WEE1: variants seen among roughly 807,000 people sequenced by gnomAD.
WEE1 encodes the protein WEE1 G2 checkpoint kinase.
A neutral mutation model predicts 68.8 loss-of-function variants in WEE1; 16 were observed. The ratio of observed to expected loss-of-function variants is 0.23; its 90% CI spans 0.16 to 0.35. The LOEUF is 0.35. Among genes scored for constraint, WEE1 ranks in the 10% least tolerant of loss-of-function variants. WEE1 has a pLI of 1.00. For missense variants in WEE1, 651 were observed against 824.1 expected (o/e 0.79, Z 2.57); for synonymous variants, 349 against 318.7 (o/e 1.09, Z -1.01).
chr11:9,588,782 T>A lies in WEE1; in HGVS notation c.*180T>A. The A allele has an allele frequency of 8.0e-7, 1 of 1,245,266 alleles. No individual in the cohort carries two copies. Among genetic ancestry groups the A allele is most frequent in the Non-Finnish European group, 1.0e-6 (1 of 989,436 alleles). The allele number at this position is 1,245,266 out of a possible 1,614,324, so 77.1% of individuals were successfully genotyped here. A position where few individuals can be genotyped will look rare whatever the true frequency, so the allele number is the denominator to read the frequency against. Reference sequence around the variant, plus strand: ...TGATGATTGCTATGTCAGGCTTTCATCTAATCTTACCAGTCTGTCTTCTGT... The same window carrying A: ...TGATGATTGCTATGTCAGGCTTTCAACTAATCTTACCAGTCTGTCTTCTGT... On this transcript the variant is annotated 3_prime_UTR_variant, in exon 11 of 11. Coordinates refer to ENST00000450114, the MANE Select transcript of WEE1 (RefSeq NM_003390.4).
chr11:9,585,242 A>G lies in WEE1; in HGVS notation c.1289-16A>G. 6.3e-7 allele frequency: 1 copy of G among 1,581,224 alleles called. No individual in the cohort carries two copies. Among genetic ancestry groups the G allele is most frequent in the Non-Finnish European group, 8.7e-7 (1 of 1,151,814 alleles). On this transcript the variant is annotated splice_polypyrimidine_tract_variant and intron_variant, in intron 6 of 10. Coordinates refer to ENST00000450114, the MANE Select transcript of WEE1 (RefSeq NM_003390.4). Reference sequence around the variant, plus strand: ...TATTATTATTAGTTTGGCTTACATAATTAACTGTTTGACAGGTAATATTTT... The same window carrying G: ...TATTATTATTAGTTTGGCTTACATAGTTAACTGTTTGACAGGTAATATTTT...
chr11:9,574,317 G>A lies in WEE1; in HGVS notation c.384G>A (p.Pro128=). The change falls in exon 1 of 11, where the codon CCG becomes CCA. Residue 128 remains proline (P), a synonymous_variant. Transcript: ENST00000450114. The surrounding 1 kb of genome is among the most constrained non-coding windows in gnomAD (Gnocchi z 4.9). ...GCTCCTCGTCGCCGGTCAAGTCGCC[G>A]GCGGCCCCCTACTTCCTGGGTAGCT... ...GFGSSSPVKS[P]AAPYFLGSSF... The A allele has an allele frequency of 2.4e-6, 3 of 1,269,868 alleles. No individual in the cohort carries two copies. Among genetic ancestry groups the A allele is most frequent in the Admixed American group, 3.5e-5 (1 of 28,234 alleles). The allele number at this position is 1,269,868 out of a possible 1,614,324, so 78.7% of individuals were successfully genotyped here. A position where few individuals can be genotyped will look rare whatever the true frequency, so the allele number is the denominator to read the frequency against.
chr11:9,579,051 T>C (rs1174018455), intron 5 of WEE1: 1 of 151,958 alleles, frequency 6.6e-6, no homozygotes, highest in Non-Finnish European at 1.5e-5. Context: ...GGATTACAGA[T>C]GCGCGCCACC....
intron 1 of WEE1, chr11:9,575,557 G>A: frequency 2.9e-6 from 1 of 347,026 alleles, no homozygotes; most frequent in Non-Finnish European, 4.8e-6. Flanking sequence ...ATTTTATGGG[G>A]CTCTCGGACT....
At chr11:9,583,794 CACACACACATATATATATATATATAT>C (rs1454473351) in intron 6 of WEE1, among the ~76,000 whole-genome samples, 29 of 27,582 alleles carry the variant, frequency 1.1e-3, no homozygotes, top group Non-Finnish European at 1.6e-3. Context: ...CACACACACA[CACACACACATATATATATATATATAT>C]ATATATATAT....
At position 9,576,031 on chromosome 11, in the gene WEE1, G is replaced by A. The variant is rs778857531; in HGVS notation, c.720G>A (p.Pro240=). The A allele has an allele frequency of 2.5e-6, 4 of 1,613,984 alleles. No individual in the cohort carries two copies. Among genetic ancestry groups the A allele is most frequent in the African/African-American group, 2.7e-5 (2 of 74,892 alleles). Residue 240 remains proline, a synonymous_variant, in exon 2 of 11, where the codon CCG becomes CCA. Transcript: ENST00000450114. This position sits in a 1 kb window ranked among gnomAD's most constrained non-coding sequence, Gnocchi z 4.3. ...AAGTGAATATTAATCCTTTTACTCC[G>A]GATTCTTTGTTGCTTCATTCCTCAG... ...TPQVNINPFT[P]DSLLLHSSGQ...
rs538045939 is a variant in WEE1 at position 9,589,494 on chromosome 11, A to G, written c.*892A>G. 4.6e-5 allele frequency: 45 copies of G among 985,292 alleles called. No individual in the cohort carries two copies. The South Asian group carries it at 1.4e-3, about 30-fold the overall frequency. The allele number at this position is 985,292 out of a possible 1,614,324, so 61.0% of individuals were successfully genotyped here. On this transcript the variant is annotated 3_prime_UTR_variant, in exon 11 of 11. Transcript: ENST00000450114. ...ATGTTTTGCCCGGTTTTTCTCTTCAATATTTGTGTATATAAACCGATCTTC... is the reference window on the plus strand; with the variant it reads ...ATGTTTTGCCCGGTTTTTCTCTTCAGTATTTGTGTATATAAACCGATCTTC...
rs1009107513 is a variant in WEE1, at chr11:9,573,745, C to A, written c.-189C>A. On this transcript the variant is annotated 5_prime_UTR_variant, in exon 1 of 11. Transcript: ENST00000450114. ...GGCCGCCCCGCCTCTGCCGGAAAGT[C>A]CGCGCCGCCGCTGCCGCCACCGTCC... The A allele has an allele frequency of 3.8e-6, 1 of 265,982 alleles. No individual in the cohort carries two copies. The highest frequency in any genetic ancestry group is 1.4e-4 in the South Asian group (1 of 7,338). The allele number at this position is 265,982 out of a possible 1,614,324, so 16.5% of individuals were successfully genotyped here. A position where few individuals can be genotyped will look rare whatever the true frequency, so the allele number is the denominator to read the frequency against.
At chr11:9,584,334 C>T (rs138618536) in intron 6 of WEE1, among the ~76,000 whole-genome samples, 21 of 152,164 alleles carry the variant, frequency 1.4e-4, no homozygotes, top group Middle Eastern at 6.8e-3. Context: ...TTTGTAGAGA[C>T]AGGGTCTCAC....
In WEE1 at chr11:9,588,616, C is replaced by A; in HGVS notation, c.*14C>A. 1 of 1,542,884 alleles carries A rather than the reference C, an allele frequency of 6.5e-7. No individual in the cohort carries two copies. The highest frequency in any genetic ancestry group is 8.7e-7 in the Non-Finnish European group (1 of 1,150,878). On this transcript the variant is annotated 3_prime_UTR_variant, in exon 11 of 11. Transcript: ENST00000450114. ...ACTATATACTGAGCTACTCCTTTCC[C>A]ACCTCCCCCTGAACACTGTGACAAG...
chr11:9,582,136 A>G lies in WEE1; in HGVS notation c.1288+458A>G, dbSNP rs73408234. Among the ~76,000 whole-genome samples, 417 of 152,338 alleles carry G rather than the reference A, an allele frequency of 2.7e-3. 3 individuals are homozygous for G. Among genetic ancestry groups the G allele is most frequent in the African/African-American group, 9.0e-3 (376 of 41,578 alleles). ...TCTGTGTTTAAAGCCCCACTCTTCCACTAGGCCAGACCATATTAAAATTTC... is the reference window on the plus strand; with the variant it reads ...TCTGTGTTTAAAGCCCCACTCTTCCGCTAGGCCAGACCATATTAAAATTTC... On this transcript the variant is annotated intron_variant, in intron 6 of 10. Transcript: ENST00000450114.
In WEE1 at chr11:9,581,601, A is replaced by G; in HGVS notation, c.1211A>G (p.Lys404Arg). Residue 404 changes from lysine to arginine, a missense_variant, in exon 6 of 11, where the codon AAG (lysine) becomes AGG (arginine). By Grantham distance (26) the Lys-to-Arg change is conservative. Around this residue, in one of 5 missense-constraint regions of WEE1, gnomAD observed 82 missense variants for 123.2 expected, o/e 0.67. Coordinates refer to ENST00000450114, the MANE Select transcript of WEE1 (RefSeq NM_003390.4). ...IMSYFKEAEL[K>R]DLLLQVGRGL... ...AGTTACTTTAAAGAAGCAGAGTTGA[A>G]GGATCTCCTTTTGCAAGTTGGCCGA... The G allele has an allele frequency of 6.2e-7, 1 of 1,613,242 alleles. No homozygotes were observed. The highest frequency in any genetic ancestry group is 8.5e-7 in the Non-Finnish European group (1 of 1,179,900).
intron 6 of WEE1, among the ~76,000 whole-genome samples, chr11:9,584,088 C>G (rs35198914): frequency 6.6e-6 from 1 of 151,296 alleles, no homozygotes; most frequent in African/African-American, 2.4e-5. Context: ...TCAAGTGATC[C>G]GCCCACCTTG....
intron 5 of WEE1, chr11:9,578,988 C>G (rs1346322852): frequency 6.6e-6 from 1 of 151,456 alleles, no homozygotes; most frequent in Non-Finnish European, 1.5e-5. Context: ...CTCACTGCAA[C>G]CTTTGCCTCC....
intron 10 of WEE1, 110 bp downstream of exon 10, chr11:9,586,966 G>GT: frequency 1.5e-6 from 2 of 1,310,660 alleles, no homozygotes; most frequent in South Asian, 3.1e-5. Flanking sequence ...GTGGTTTTTT[G>GT]TGTTTTTTGT....
intron 1 of WEE1, chr11:9,575,154 G>T: frequency 3.0e-6 from 3 of 985,602 alleles, no homozygotes; most frequent in Non-Finnish European, 3.6e-6. Context: ...TTTATCGTGG[G>T]TTTGCGGTGC....
intron 1 of WEE1, chr11:9,575,006 C>G (rs1337961597): frequency 1.0e-6 from 1 of 985,804 alleles, no homozygotes; most frequent in Non-Finnish European, 1.2e-6. Context: ...GGGGAAAGGT[C>G]TGGGGCATGC....
chr11:9,581,474 T>C, intron 5 of WEE1, 58 bp from the exon 6 acceptor site: 3 of 1,514,658 alleles, frequency 2.0e-6, no homozygotes, highest in African/African-American at 1.4e-5. Flanking sequence ...TTGGTAAAGA[T>C]GGAAGAAAGA....
chr11:9,575,807 AG>A, intron 1 of WEE1, 80 bp from the exon 2 acceptor site: 1 of 1,232,200 alleles, frequency 8.1e-7, no homozygotes, highest in East Asian at 2.4e-5. Context: ...GCCCTATGAA[AG>A]GCTCGTTGAA....
Sources: allele counts gnomAD v4.1 joint callset (sites outside exome capture counted in the v4.1 genomes callset), GRCh38; gene constraint gnomAD v4.1.1; regional missense constraint gnomAD v4.1.1; non-coding constraint Gnocchi (gnomAD v3.1); transcripts MANE v1.5; gene names NCBI Gene and HGNC (gene_info 2026-07-23, HGNC 2026-07-21).